USP47: variants seen among roughly 807,000 people sequenced by gnomAD.
The protein encoded by USP47 is ubiquitin carboxyl-terminal hydrolase 47.
A neutral mutation model predicts 165.1 loss-of-function variants in USP47; 35 were observed. That is an observed-to-expected ratio of 0.21 (90% confidence interval 0.16 to 0.28). The LOEUF is 0.28. Ranked by LOEUF, USP47 falls within the 10% of genes least tolerant of loss-of-function variation. The pLI, the probability that USP47 is intolerant of heterozygous loss-of-function variation, is 1.00. For missense variants in USP47, 1,277 were observed against 1,607.4 expected, an observed-to-expected ratio of 0.79 and a Z score of 3.52; for synonymous variants, 531 against 544.5, an observed-to-expected ratio of 0.98 and a Z score of 0.35.
At chr11:11,910,129 AGAT>A (rs1487200562) in intron 8 of USP47, among the ~76,000 whole-genome samples, 1 of 152,208 alleles carries the variant, frequency 6.6e-6, no homozygotes. Context: ...AAGATGGAGT[AGAT>A]GTACATTGCC....
chr11:11,934,038 A>C, intron 16 of USP47, 103 bp downstream of exon 16: 1 of 770,272 alleles, frequency 1.3e-6, no homozygotes, highest in Non-Finnish European at 2.1e-6. Flanking sequence ...CACTGGCAGT[A>C]ACCTTGGTAA....
Position 11,956,398 on chromosome 11 carries a change from G to C in USP47, c.*223G>C. On this transcript the variant is annotated 3_prime_UTR_variant, in exon 28 of 28. Transcript: ENST00000527733. Reference sequence around the variant, plus strand: ...GTCAAATGTACTGTAAAGTGAAAAGGGATGTGCAAAAAAATAAAAAAAAAC... The same window carrying C: ...GTCAAATGTACTGTAAAGTGAAAAGCGATGTGCAAAAAAATAAAAAAAAAC... 1 of 377,584 alleles carries C rather than the reference G, an allele frequency of 2.6e-6. No homozygotes were observed. The highest frequency in any genetic ancestry group is 4.7e-6 in the Non-Finnish European group (1 of 211,338). 23.4% of individuals were successfully genotyped at this position (377,584 alleles called of 1,614,324 possible).
chr11:11,923,883 A>G (rs1209864163), intron 11 of USP47, among the ~76,000 whole-genome samples: 1 of 152,270 alleles, frequency 6.6e-6, no homozygotes, highest in African/African-American at 2.4e-5. Flanking sequence ...GCATTCTAGC[A>G]GGAGTTGGCA....
Position 11,842,006 on chromosome 11 carries a change from G to T in USP47, c.-180G>T. 1 of 607,184 alleles carries T rather than the reference G, an allele frequency of 1.6e-6. No individual in the cohort carries two copies. The allele number at this position is 607,184 out of a possible 1,614,324, so 37.6% of individuals were successfully genotyped here. ...GGCTGTGGTAGCGGCGGCGGCGGCGGCGGAGCCCTGGGTCGGTGTCTGCGC... is the reference window on the plus strand; with the variant it reads ...GGCTGTGGTAGCGGCGGCGGCGGCGTCGGAGCCCTGGGTCGGTGTCTGCGC... On this transcript the variant is annotated 5_prime_UTR_variant, in exon 1 of 28. Transcript: ENST00000527733.
chr11:11,945,962 A>G (rs549175509), intron 20 of USP47, among the ~76,000 whole-genome samples: 3 of 151,594 alleles, frequency 2.0e-5, no homozygotes, highest in East Asian at 1.9e-4. Flanking sequence ...AAAAGAAAAG[A>G]AAAGGAAAAA....
At chr11:11,910,001 A>G (rs1852846829) in intron 8 of USP47, among the ~76,000 whole-genome samples, 1 of 152,204 alleles carries the variant, frequency 6.6e-6, no homozygotes, top group Admixed American at 6.5e-5. Context: ...TTGTCCAAAT[A>G]TGTAAGCATC....
intron 1 of USP47, among the ~76,000 whole-genome samples, chr11:11,852,289 T>C (rs1848770515): frequency 6.6e-6 from 1 of 152,180 alleles, no homozygotes; most frequent in African/African-American, 2.4e-5. Context: ...GAATTTGTCC[T>C]TCCCCCCACC....
Position 11,949,866 on chromosome 11 carries a change from ATTGT to A in USP47, c.3349-20_3349-17del, listed in dbSNP as rs769373124. 10 of 1,511,008 alleles carry A rather than the reference ATTGT, an allele frequency of 6.6e-6. No individual in the cohort carries two copies. Among genetic ancestry groups the A allele is most frequent in the Non-Finnish European group, 8.3e-6 (9 of 1,090,478 alleles). The allele number at this position is 1,511,008 out of a possible 1,614,324, so 93.6% of individuals were successfully genotyped here. A position where few individuals can be genotyped will look rare whatever the true frequency, so the allele number is the denominator to read the frequency against. ...TACTTAAGGTATAATTCAAGCTCTG[ATTGT>A]TTATGTTTATATTTCTAGCCATGCA... On this transcript the variant is annotated intron_variant, in intron 22 of 27. Transcript: ENST00000527733.
At chr11:11,929,976 G>A (rs1854534707) in intron 12 of USP47, 68 bp from the exon 13 acceptor site, 2 of 1,244,350 alleles carry the variant, frequency 1.6e-6, no homozygotes, top group East Asian at 2.3e-5. Context: ...TAAAGATTGA[G>A]TTACATATTG....
Position 11,955,168 on chromosome 11 carries a change from A to G in USP47, c.3893+4A>G. ...ATGGTGCGGTCATATTTTATAGGTA[A>G]CATTCACAATGTTTTTGTTGCTGTT... On this transcript the variant is annotated splice_donor_region_variant and intron_variant, in intron 27 of 27. Coordinates refer to ENST00000527733, the MANE Select transcript of USP47 (RefSeq NM_001282659.2). The G allele has an allele frequency of 6.2e-7, 1 of 1,609,004 alleles. No individual in the cohort carries two copies. Among genetic ancestry groups the G allele is most frequent in the South Asian group, 1.1e-5 (1 of 89,964 alleles).
At position 11,913,683 on chromosome 11, in the gene USP47, A is replaced by G. The variant is rs745619140; in HGVS notation, c.970-6473A>G. ...TACAAACATACAGTTAGATAGAATC[A>G]GTAAGTTCTAGTGTTTGAGAGCAGA... is the stretch of plus-strand genomic sequence containing the variant. On this transcript the variant is annotated intron_variant, in intron 8 of 27. Coordinates refer to ENST00000527733, the MANE Select transcript of USP47 (RefSeq NM_001282659.2). 2.6e-5 allele frequency among the ~76,000 whole-genome samples: 4 copies of G among 152,086 alleles called. No individual in the cohort carries two copies. In the East Asian group the frequency reaches 7.7e-4, roughly 29 times the overall value.
rs1847409827 is a variant in USP47 at position 11,960,571 on chromosome 11, G to A, written c.*4396G>A. 6.6e-6 allele frequency among the ~76,000 whole-genome samples: 1 copy of A among 152,124 alleles called. No individual in the cohort carries two copies. The highest frequency in any genetic ancestry group is 1.5e-5 in the Non-Finnish European group (1 of 68,020). On this transcript the variant is annotated 3_prime_UTR_variant, in exon 28 of 28. Coordinates refer to ENST00000527733, the MANE Select transcript of USP47 (RefSeq NM_001282659.2). ...GTTCCCCTCAGAAGTTTCAGCCAAG[G>A]GAATAAAATCTAACCTCTCCTCCCT...
chr11:11,928,741 T>G (rs945453433), intron 11 of USP47, among the ~76,000 whole-genome samples: 19 of 152,100 alleles, frequency 1.2e-4, no homozygotes, highest in African/African-American at 4.3e-4. Flanking sequence ...AAGATTGTCT[T>G]AAATATAAAA....
At position 11,948,504 on chromosome 11, in the gene USP47, TAAAA is replaced by T; in HGVS notation, c.3297_3300del (p.Lys1100GlufsTer22). On this transcript the variant is annotated frameshift_variant, in exon 22 of 28. Coordinates refer to ENST00000527733, the MANE Select transcript of USP47 (RefSeq NM_001282659.2). LOFTEE classifies it high-confidence loss of function. ...TTACAATTAGACTGGGGAGAGCACTTAAAAAAGGAGAATACAGAGTTAAAGTATA... is the reference window on the plus strand; with the variant it reads ...TTACAATTAGACTGGGGAGAGCACTTAAGGAGAATACAGAGTTAAAGTATA... 1 of 1,613,044 alleles carries T rather than the reference TAAAA, an allele frequency of 6.2e-7. No homozygotes were observed. Among genetic ancestry groups the T allele is most frequent in the Non-Finnish European group, 8.5e-7 (1 of 1,179,250 alleles).
rs1343917210 is a variant in USP47, at chr11:11,960,551, C to T, written c.*4376C>T. Reference sequence around the variant, plus strand: ...TTCCATGAGTGTCTCAAAAAGTTCCCCTCAGAAGTTTCAGCCAAGGGAATA... The same window carrying T: ...TTCCATGAGTGTCTCAAAAAGTTCCTCTCAGAAGTTTCAGCCAAGGGAATA... On this transcript the variant is annotated 3_prime_UTR_variant, in exon 28 of 28. Coordinates refer to ENST00000527733, the MANE Select transcript of USP47 (RefSeq NM_001282659.2). Among the ~76,000 whole-genome samples the T allele has an allele frequency of 6.6e-6, 1 of 152,190 alleles. No homozygotes were observed. Among genetic ancestry groups the T allele is most frequent in the African/African-American group, 2.4e-5 (1 of 41,442 alleles).
intron 1 of USP47, among the ~76,000 whole-genome samples, chr11:11,855,432 G>A (rs993572770): frequency 6.6e-6 from 1 of 152,168 alleles, no homozygotes; most frequent in Non-Finnish European, 1.5e-5. Flanking sequence ...TTGATGCTGT[G>A]TAGTGGACTG....
chr11:11,940,306 T>C, intron 18 of USP47, 123 bp from the exon 19 acceptor site: 1 of 1,033,198 alleles, frequency 9.7e-7, no homozygotes, highest in Admixed American at 3.4e-5. Context: ...AAACCTCTAC[T>C]AAAATTATGT....
At chr11:11,898,512 T>TA (rs761530911) in intron 5 of USP47, among the ~76,000 whole-genome samples, 4 of 152,076 alleles carry the variant, frequency 2.6e-5, no homozygotes, top group Non-Finnish European at 4.4e-5. Flanking sequence ...TATCTGAACT[T>TA]ACAGAAGTTG....
chr11:11,898,659 A>G (rs1409271577), intron 5 of USP47, among the ~76,000 whole-genome samples: 1 of 152,230 alleles, frequency 6.6e-6, no homozygotes, highest in South Asian at 2.1e-4. Context: ...CAATATGTAT[A>G]TGTTTGAAAT....
Sources: gnomAD v4.1 joint callset for allele counts (sites outside exome capture counted in the v4.1 genomes callset) on GRCh38, gnomAD v4.1.1 for gene constraint, MANE v1.5 for transcripts, NCBI Gene and HGNC (gene_info 2026-07-23, HGNC 2026-07-21) for gene names.